Variants in MEF2C observed in about 807,000 individuals in gnomAD.
MEF2C encodes the protein myocyte-specific enhancer factor 2C.
MEF2C carries 6 observed loss-of-function variants against 50.5 expected under a neutral mutation model. The observed-to-expected ratio is 0.12, with a 90% CI of 0.07 to 0.23. The LOEUF is 0.23. Among genes scored for constraint, MEF2C ranks in the 10% least tolerant of loss-of-function variants. The pLI is 1.00. For missense variants in MEF2C, 276 were observed against 605.0 expected (o/e 0.46, Z 5.70); for synonymous variants, 183 against 228.0 (o/e 0.80, Z 1.78).
At chr5:88,804,570 T>C (rs759959300) in intron 3 of MEF2C, 28 bp downstream of exon 3, 7 of 1,611,032 alleles carry the variant, frequency 4.3e-6, no homozygotes, top group Non-Finnish European at 5.9e-6. Context: ...TTGCGGAGGC[T>C]TGGGGCTCAC....
At chr5:88,902,945 A>G (rs1009411831) in intron 1 of MEF2C, among the ~76,000 whole-genome samples, 8 of 151,342 alleles carry the variant, frequency 5.3e-5, no homozygotes, top group South Asian at 4.1e-4. Flanking sequence ...TATAGGCTCT[A>G]GCTTTGAGCT....
chr5:88,782,285 G>T, intron 3 of MEF2C: 3 of 434,196 alleles, frequency 6.9e-6, no homozygotes, highest in Non-Finnish European at 9.2e-6. Flanking sequence ...GGGCAACATG[G>T]CAAAATCCTG....
chr5:88,722,213 GCTCT>G lies in MEF2C; in HGVS notation c.*387_*390del, dbSNP rs1351218683. ...TTTTTCTATATGTTGCATAACAGCT[GCTCT>G]CTCTTTCAGTAAAGATCTGCCGCTT... On this transcript the variant is annotated 3_prime_UTR_variant, in exon 11 of 11. Transcript: ENST00000504921. The G allele has an allele frequency of 2.3e-5, 4 of 174,328 alleles. No homozygotes were observed. The highest frequency in any genetic ancestry group is 5.6e-5 in the Admixed American group (1 of 17,876). 10.8% of individuals were successfully genotyped at this position (174,328 alleles called of 1,614,324 possible).
In MEF2C at chr5:88,826,571, G is replaced by A. The variant is rs180906561; in HGVS notation, c.-142-2641C>T. Among the ~76,000 whole-genome samples the A allele has an allele frequency of 2.0e-3, 307 of 152,070 alleles. 4 individuals are homozygous for A. Among genetic ancestry groups the A allele is most frequent in the East Asian group, 1.4e-3 (7 of 5,148 alleles). Reference sequence around the variant, plus strand: ...ATTAGGAAGGTCAACAATAGCTCACGCATTGTTTTCTTAGCACAACATTTT... The same window carrying A: ...ATTAGGAAGGTCAACAATAGCTCACACATTGTTTTCTTAGCACAACATTTT... On this transcript the variant is annotated intron_variant, in intron 1 of 10. Transcript: ENST00000504921.
At chr5:88,779,077 C>G (rs1786373297) in intron 3 of MEF2C, among the ~76,000 whole-genome samples, 1 of 152,174 alleles carries the variant, frequency 6.6e-6, no homozygotes, top group East Asian at 1.9e-4. Flanking sequence ...AGTTGTATAA[C>G]TTTTAAAAGA....
chr5:88,796,124 G>A (rs1433497597), intron 3 of MEF2C, among the ~76,000 whole-genome samples: 1 of 152,152 alleles, frequency 6.6e-6, no homozygotes, highest in Non-Finnish European at 1.5e-5. Flanking sequence ...TCTCTGCCTG[G>A]TTTTGGCAAC....
chr5:88,821,044 A>G (rs1808087063), intron 2 of MEF2C, among the ~76,000 whole-genome samples: 1 of 152,016 alleles, frequency 6.6e-6, no homozygotes, highest in Non-Finnish European at 1.5e-5. Flanking sequence ...AAAAGAATAA[A>G]TATACCCTAA....
chr5:88,741,141 T>TG (rs1243812744), intron 6 of MEF2C: 16 of 985,322 alleles, frequency 1.6e-5, no homozygotes, highest in Non-Finnish European at 1.8e-5. Flanking sequence ...AGGAGCCCCG[T>TG]GCTGGACATC....
At chr5:88,771,529 A>G (rs925504257) in intron 3 of MEF2C, 5 of 985,152 alleles carry the variant, frequency 5.1e-6, no homozygotes, top group Non-Finnish European at 6.0e-6. Flanking sequence ...ACTGTAATTT[A>G]TTTTTTAACA....
chr5:88,739,724 GTTTTTA>G, intron 6 of MEF2C: 8 of 984,882 alleles, frequency 8.1e-6, no homozygotes, highest in Non-Finnish European at 9.6e-6. Context: ...AATCAGTTTT[GTTTTTA>G]TTTTTATTTT....
In MEF2C at chr5:88,828,959, T is replaced by C. The variant is rs528423775; in HGVS notation, c.-142-5029A>G. On this transcript the variant is annotated intron_variant, in intron 1 of 10. Transcript: ENST00000504921. ...TACCATTACCTTAGCTATGAGTGCA[T>C]TCTGAGTTTATTTCCAAATCACATA... Among the ~76,000 whole-genome samples the C allele has an allele frequency of 6.6e-5, 10 of 152,092 alleles. No homozygotes were observed. In the South Asian group the frequency reaches 2.1e-3, roughly 32 times the overall value.
intron 1 of MEF2C, among the ~76,000 whole-genome samples, chr5:88,842,227 T>G (rs1817634672): frequency 6.6e-6 from 1 of 152,166 alleles, no homozygotes; most frequent in Admixed American, 6.5e-5. Flanking sequence ...TATTGTTGGC[T>G]TCTTCAGATC....
intron 1 of MEF2C, among the ~76,000 whole-genome samples, chr5:88,875,110 C>A (rs1830668648): frequency 6.6e-6 from 1 of 151,836 alleles, no homozygotes; most frequent in African/African-American, 2.4e-5. Flanking sequence ...CAAAGTTTTA[C>A]TTTATTTTTT....
In MEF2C at chr5:88,719,511, A is replaced by G. The variant is rs566803329; in HGVS notation, c.*3093T>C. The G allele has an allele frequency of 6.6e-6, 1 of 152,338 alleles. No homozygotes were observed. The highest frequency in any genetic ancestry group is 1.5e-5 in the Non-Finnish European group (1 of 68,024). 9.4% of individuals were successfully genotyped at this position (152,338 alleles called of 1,614,324 possible). A position where few individuals can be genotyped will look rare whatever the true frequency, so the allele number is the denominator to read the frequency against. Reference sequence around the variant, plus strand: ...CAGCCGTGTAAAATGCCACTTATGGATCTTTTACTTGCAATGAAGAATGTT... The same window carrying G: ...CAGCCGTGTAAAATGCCACTTATGGGTCTTTTACTTGCAATGAAGAATGTT... On this transcript the variant is annotated 3_prime_UTR_variant, in exon 11 of 11. Transcript: ENST00000504921.
chr5:88,889,912 G>A (rs1172759613), intron 1 of MEF2C, among the ~76,000 whole-genome samples: 1 of 152,152 alleles, frequency 6.6e-6, no homozygotes, highest in Non-Finnish European at 1.5e-5. Context: ...AGTGCACAAA[G>A]CGCTGGCACA....
At chr5:88,764,355 TG>T (rs1333878744) in intron 3 of MEF2C, among the ~76,000 whole-genome samples, 3 of 152,228 alleles carry the variant, frequency 2.0e-5, no homozygotes, top group Non-Finnish European at 4.4e-5. Flanking sequence ...CCAAGCATGA[TG>T]GTCCAAGGTC....
At chr5:88,809,009 T>G (rs1461410213) in intron 2 of MEF2C, among the ~76,000 whole-genome samples, 5 of 152,166 alleles carry the variant, frequency 3.3e-5, no homozygotes, top group African/African-American at 1.2e-4. Context: ...TAAGTCAACA[T>G]GTTATCAAAT....
intron 3 of MEF2C, among the ~76,000 whole-genome samples, chr5:88,783,782 T>C (rs146551294): frequency 6.6e-6 from 1 of 152,356 alleles, no homozygotes; most frequent in Non-Finnish European, 1.5e-5. Context: ...TCTCATTACG[T>C]TGTTTTGTCC....
At chr5:88,732,957 T>G in intron 6 of MEF2C, 4 of 390,308 alleles carry the variant, frequency 1.0e-5, no homozygotes, top group Non-Finnish European at 1.4e-5. Context: ...CCTGCATGAG[T>G]GAGATTGTGT....
Sources: gnomAD v4.1 joint callset for allele counts (sites outside exome capture counted in the v4.1 genomes callset) on GRCh38, gnomAD v4.1.1 for gene constraint, MANE v1.5 for transcripts, NCBI Gene and HGNC (gene_info 2026-07-23, HGNC 2026-07-21) for gene names.